RASAL3: variants seen among roughly 807,000 people sequenced by gnomAD.
RASAL3 encodes RAS protein activator like-3.
A neutral mutation model predicts 105.5 loss-of-function variants in RASAL3; 74 were observed. The ratio of observed to expected loss-of-function variants is 0.70; its 90% CI spans 0.58 to 0.85. The LOEUF is 0.85. Among genes scored for constraint, RASAL3 ranks in the 40% least tolerant of loss-of-function variants. The probability of loss-of-function intolerance (pLI) is 0.00; values close to 1 mark genes in which losing one functional copy is unlikely to be tolerated. For missense variants in RASAL3, 1,352 were observed against 1,392.0 expected (o/e 0.97, Z 0.46); for synonymous variants, 579 against 591.6 (o/e 0.98, Z 0.31).
rs935027439 is a variant in RASAL3 at position 15,464,232 on chromosome 19, A to T, written c.127T>A (p.Phe43Ile). Reference protein sequence around the residue: ...KAAGGFRWGRFAGWGRALSHQ... With the variant: ...KAAGGFRWGRIAGWGRALSHQ... The stretch of plus-strand genomic sequence containing the variant: ...CTCAGGGCCCTGCCCCAGCCAGCAA[A>T]GCGGCCCCAGCGGAACCCTCCAGCC... The change falls in exon 2 of 18, where the codon TTT becomes ATT. Residue 43 changes from phenylalanine (F) to isoleucine (I), a missense_variant. By Grantham distance (21) the Phe-to-Ile change is conservative. Transcript: ENST00000343625. 5 of 1,608,050 alleles carry T rather than the reference A, an allele frequency of 3.1e-6. No homozygotes were observed. In the Admixed American group the frequency reaches 8.4e-5, roughly 27 times the overall value.
intron 11 of RASAL3, 91 bp from the exon 12 acceptor site, chr19:15,454,984 T>G: frequency 1.0e-6 from 1 of 952,818 alleles, no homozygotes; most frequent in Non-Finnish European, 1.5e-6. Flanking sequence ...AAGCACTGCA[T>G]GATTGGTCCA....
At chr19:15,460,464 C>T (rs1970474024) in intron 5 of RASAL3, among the ~76,000 whole-genome samples, 1 of 152,174 alleles carries the variant, frequency 6.6e-6, no homozygotes, top group Non-Finnish European at 1.5e-5. Context: ...GTCGCCCAGG[C>T]TGGAGTACAG....
rs1191280703 is a variant in RASAL3 at position 15,464,077 on chromosome 19, C to T, written c.282G>A (p.Lys94=). 1 of 1,599,660 alleles carries T rather than the reference C, an allele frequency of 6.3e-7. No individual in the cohort carries two copies. The highest frequency in any genetic ancestry group is 1.3e-5 in the African/African-American group (1 of 74,630). Residue 94 remains lysine, a synonymous_variant, in exon 2 of 18, where the codon AAG becomes AAA. Coordinates refer to ENST00000343625, the MANE Select transcript of RASAL3 (RefSeq NM_022904.3). The part of the protein sequence containing the change: ...RLSKALWGRH[K]NPPPEPDPEP... ...CCGGGTCTGGCTCCGGCGGTGGGTT[C>T]TTATGCCTCCCCCAGAGGGCCTTGG...
chr19:15,456,143 C>T lies in RASAL3; in HGVS notation c.1682G>A (p.Ser561Asn). 1 of 1,613,884 alleles carries T rather than the reference C, an allele frequency of 6.2e-7. No individual in the cohort carries two copies. The highest frequency in any genetic ancestry group is 8.5e-7 in the Non-Finnish European group (1 of 1,179,838). The part of the protein sequence containing the change: ...LPEHQARLRN[S>N]CEEVFETIIH... ...AATGGTTTCGAAGACCTCCTCGCAG[C>T]TGTTCCGAAGTCTGGCCTGGTGCTC... Residue 561 changes from serine (S) to asparagine (N), a missense_variant, in exon 11 of 18, where the codon AGC becomes AAC. Physicochemically the swap from Ser to Asn is conservative, Grantham distance 46. This residue lies in a region of RASAL3 where 920 missense variants were observed against 919.6 expected (regional missense o/e 1.00). Coordinates refer to ENST00000343625, the MANE Select transcript of RASAL3 (RefSeq NM_022904.3). This position sits in a 1 kb window ranked among gnomAD's most constrained non-coding sequence, Gnocchi z 4.4.
rs1711784210 is a variant in RASAL3, at chr19:15,452,673, G to C, written c.2813C>G (p.Ser938Cys). ...QLRGQLQDLDSRLRAGSSEFD... is the reference protein window; with the variant it reads ...QLRGQLQDLDCRLRAGSSEFD... ...CTGGGCTCACCCAGCACGGAGCCTG[G>C]AGTCCAGATCCTGCAGCTGGCCCCG... is the stretch of plus-strand genomic sequence containing the variant. The change falls in exon 16 of 18, where the codon TCC becomes TGC. Residue 938 changes from serine (S) to cysteine (C), a missense_variant. By Grantham distance (112) the Ser-to-Cys change is moderately radical. This residue lies in a region of RASAL3 where 920 missense variants were observed against 919.6 expected (regional missense o/e 1.00). Transcript: ENST00000343625. The C allele has an allele frequency of 1.9e-6, 3 of 1,549,278 alleles. No individual in the cohort carries two copies. The highest frequency in any genetic ancestry group is 2.6e-6 in the Non-Finnish European group (3 of 1,146,252).
chr19:15,452,592 G>A (rs1455608740), intron 16 of RASAL3, 66 bp downstream of exon 16: 2 of 1,055,968 alleles, frequency 1.9e-6, no homozygotes, highest in African/African-American at 2.4e-5. Context: ...GGGGGGGAGG[G>A]CCTGGTCAGA....
chr19:15,458,762 C>G, intron 6 of RASAL3, 107 bp from the exon 7 acceptor site: 1 of 1,417,796 alleles, frequency 7.1e-7, no homozygotes, highest in Admixed American at 2.3e-5. Flanking sequence ...ATTCGGATCC[C>G]GTTTCTCCCC....
chr19:15,457,876 TGGCACCCCAAAGAA>T lies in RASAL3; in HGVS notation c.889-56_889-43del, dbSNP rs1398115837. The T allele has an allele frequency of 6.5e-7, 1 of 1,543,162 alleles. No homozygotes were observed. The highest frequency in any genetic ancestry group is 1.2e-5 in the South Asian group (1 of 83,552). ...GATGGGGGGAAGCGTTTTGGTTTGT[TGGCACCCCAAAGAA>T]GGCACCGCAAGTGAAGCGTGGAGCC... On this transcript the variant is annotated intron_variant, in intron 8 of 17. Coordinates refer to ENST00000343625, the MANE Select transcript of RASAL3 (RefSeq NM_022904.3). This position sits in a 1 kb window ranked among gnomAD's most constrained non-coding sequence, Gnocchi z 8.6.
intron 15 of RASAL3, 142 bp from the exon 16 acceptor site, chr19:15,452,957 G>C: frequency 6.8e-7 from 1 of 1,467,670 alleles, no homozygotes; most frequent in South Asian, 1.2e-5. Context: ...TACAGCTGGG[G>C]AGACTGAAGC....
chr19:15,459,154 G>A (rs1970429290), intron 6 of RASAL3, among the ~76,000 whole-genome samples: 1 of 151,686 alleles, frequency 6.6e-6, no homozygotes, highest in African/African-American at 2.4e-5. Context: ...GGCCAGGCTG[G>A]TCTTGAACTC....
At chr19:15,455,770 C>G (rs2145461502) in intron 11 of RASAL3, among the ~76,000 whole-genome samples, 1 of 152,328 alleles carries the variant, frequency 6.6e-6, no homozygotes, top group African/African-American at 2.4e-5. Context: ...AGCGATCCTC[C>G]AGCCTCGGCT....
chr19:15,458,369 G>A lies in RASAL3; in HGVS notation c.847C>T (p.Arg283Cys), dbSNP rs753396666. 2 of 1,613,894 alleles carry A rather than the reference G, an allele frequency of 1.2e-6. No homozygotes were observed. Among genetic ancestry groups the A allele is most frequent in the East Asian group, 2.2e-5 (1 of 44,872 alleles). Residue 283 changes from arginine (R) to cysteine (C), a missense_variant, in exon 8 of 18, where the codon CGC becomes TGC. Arg to Cys is a radical substitution (Grantham distance 180). Around this residue, in one of 3 missense-constraint regions of RASAL3, gnomAD observed 88 missense variants for 132.7 expected, o/e 0.66. Transcript: ENST00000343625. ...FSCRSAAERD[R>C]WIEDLRRQFQ... is the part of the protein sequence containing the mutation. ...TGGCGACGAAGGTCCTCGATCCAGCGGTCTCTCTCAGCGGCCGAGCGACAA... is the reference window on the plus strand; with the variant it reads ...TGGCGACGAAGGTCCTCGATCCAGCAGTCTCTCTCAGCGGCCGAGCGACAA...
Position 15,454,727 on chromosome 19 carries a change from G to C in RASAL3, c.1888C>G (p.Pro630Ala), listed in dbSNP as rs769253617. 13 of 1,610,464 alleles carry C rather than the reference G, an allele frequency of 8.1e-6. No homozygotes were observed. The highest frequency in any genetic ancestry group is 1.7e-5 in the Admixed American group (1 of 59,284). Residue 630 changes from proline to alanine, a missense_variant, in exon 12 of 18, where the codon CCA becomes GCA. Pro to Ala is a conservative substitution (Grantham distance 27). Around this residue, in one of 3 missense-constraint regions of RASAL3, gnomAD observed 920 missense variants for 919.6 expected, o/e 1.00. Coordinates refer to ENST00000343625, the MANE Select transcript of RASAL3 (RefSeq NM_022904.3). ...AGGGTGCGGGCTGGGCCGGGTGCTG[G>C]ATGGTCTGGTGCCAAACCAAAGAGG... Reference protein sequence around the residue: ...PSLFGLAPDHPAPGPARTLTL... With the variant: ...PSLFGLAPDHAAPGPARTLTL...
chr19:15,457,219 C>A lies in RASAL3; in HGVS notation c.1431+73G>T. On this transcript the variant is annotated intron_variant, in intron 9 of 17. Transcript: ENST00000343625. The surrounding 1 kb of genome is among the most constrained non-coding windows in gnomAD (Gnocchi z 8.6). ...TTACAGGTGCAACTCAGGTCCTGCGCCCCAACTCCTGCCCGAAGCGCGTTA... is the reference window on the plus strand; with the variant it reads ...TTACAGGTGCAACTCAGGTCCTGCGACCCAACTCCTGCCCGAAGCGCGTTA... 8.4e-7 allele frequency: 1 copy of A among 1,188,300 alleles called. No homozygotes were observed. The highest frequency in any genetic ancestry group is 1.1e-6 in the Non-Finnish European group (1 of 944,116). The allele number at this position is 1,188,300 out of a possible 1,614,324, so 73.6% of individuals were successfully genotyped here. A position where few individuals can be genotyped will look rare whatever the true frequency, so the allele number is the denominator to read the frequency against.
At chr19:15,458,786 C>CA in intron 6 of RASAL3, 131 bp from the exon 7 acceptor site, 2 of 1,098,702 alleles carry the variant, frequency 1.8e-6, no homozygotes, top group South Asian at 1.7e-5. Flanking sequence ...GCCCCCCCCA[C>CA]CCCCCGCCAT....
rs1214898143 is a variant in RASAL3, at chr19:15,461,094, T to G, written c.572A>C (p.Glu191Ala). 4 of 1,613,722 alleles carry G rather than the reference T, an allele frequency of 2.5e-6. No individual in the cohort carries two copies. The African/African-American group carries it at 5.3e-5, about 22-fold the overall frequency. Residue 191 changes from glutamate to alanine, a missense_variant, in exon 5 of 18, where the codon GAG (glutamate) becomes GCG (alanine). Coordinates refer to ENST00000343625, the MANE Select transcript of RASAL3 (RefSeq NM_022904.3). ...PDRMPGKTEPETAGPNQVHNV... is the reference protein window; with the variant it reads ...PDRMPGKTEPATAGPNQVHNV... ...GTGGACCTGGTTGGGACCAGCAGTC[T>G]CCGGTTCTGTTTTTCCAGGCATCCG...
chr19:15,462,753 C>T (rs1970549547), intron 2 of RASAL3, among the ~76,000 whole-genome samples: 1 of 152,098 alleles, frequency 6.6e-6, no homozygotes, highest in Non-Finnish European at 1.5e-5. Context: ...GAGATCGAGA[C>T]CATTCTGGTT....
chr19:15,451,738 C>T lies in RASAL3; in HGVS notation c.*57G>A. The stretch of plus-strand genomic sequence containing the variant: ...GGCTAAGGCAAAGTCAGACACCCCC[C>T]CTAAGATGGCTATCTCTCTGCTCCC... On this transcript the variant is annotated 3_prime_UTR_variant, in exon 18 of 18. Coordinates refer to ENST00000343625, the MANE Select transcript of RASAL3 (RefSeq NM_022904.3). 6.5e-7 allele frequency: 1 copy of T among 1,541,740 alleles called. No homozygotes were observed. Among genetic ancestry groups the T allele is most frequent in the Non-Finnish European group, 8.8e-7 (1 of 1,137,086 alleles).
intron 11 of RASAL3, among the ~76,000 whole-genome samples, chr19:15,455,789 A>G (rs1479833543): frequency 2.6e-5 from 4 of 152,180 alleles, no homozygotes; most frequent in Non-Finnish European, 5.9e-5. Context: ...CTGGGAATAC[A>G]GGTGTGTGCC....
Sources: allele counts gnomAD v4.1 joint callset (sites outside exome capture counted in the v4.1 genomes callset), GRCh38; gene constraint gnomAD v4.1.1; regional missense constraint gnomAD v4.1.1; non-coding constraint Gnocchi (gnomAD v3.1); transcripts MANE v1.5; gene names NCBI Gene and HGNC (gene_info 2026-07-23, HGNC 2026-07-21).